Variants in CNTN5 observed in about 807,000 individuals in gnomAD.
CNTN5 encodes the protein contactin-5.
CNTN5 carries 77 observed loss-of-function variants against 129.1 expected under a neutral mutation model. That is an observed-to-expected ratio of 0.60 (90% CI 0.50 to 0.72). The LOEUF (loss-of-function observed/expected upper bound fraction) is 0.72, where lower values mean the gene tolerates loss of function less well. Ranked by LOEUF, CNTN5 falls within the 30% of genes least tolerant of loss-of-function variation. The pLI, the probability that CNTN5 is intolerant of heterozygous loss-of-function variation, is 0.00. For missense variants in CNTN5, 1,478 were observed against 1,328.8 expected (o/e 1.11, Z -1.75); for synonymous variants, 509 against 465.6 (o/e 1.09, Z -1.20).
chr11:100,213,154 T>C (rs1949067016), intron 15 of CNTN5, among the ~76,000 whole-genome samples: 1 of 152,136 alleles, frequency 6.6e-6, no homozygotes, highest in African/African-American at 2.4e-5. Context: ...ATCCTTTATT[T>C]TGTATAACTA....
intron 3 of CNTN5, among the ~76,000 whole-genome samples, chr11:99,801,076 T>C (rs1004048874): frequency 6.6e-6 from 1 of 152,148 alleles, no homozygotes; most frequent in African/African-American, 2.4e-5. Flanking sequence ...GTTTTGTTTT[T>C]CTCATTTCCG....
chr11:100,084,121 C>T (rs907353497), intron 13 of CNTN5, among the ~76,000 whole-genome samples: 5 of 152,118 alleles, frequency 3.3e-5, no homozygotes, highest in African/African-American at 1.2e-4. Context: ...AACCATGGTT[C>T]ATTTACCCCA....
rs566515125 is a variant in CNTN5 at position 99,460,664 on chromosome 11, C to T, written c.-70-95481C>T. Among the ~76,000 whole-genome samples, 7 of 151,922 alleles carry T rather than the reference C, an allele frequency of 4.6e-5. No individual in the cohort carries two copies. The East Asian group carries it at 7.7e-4, about 17-fold the overall frequency. ...ACTGGACTTACCCTCCTGCCTAAAG[C>T]GATTTTTAAAAACTTTACGAATATA... On this transcript the variant is annotated intron_variant, in intron 2 of 24. Coordinates refer to ENST00000524871, the MANE Select transcript of CNTN5 (RefSeq NM_014361.4).
At chr11:99,989,493 A>G (rs12792831) in intron 8 of CNTN5, among the ~76,000 whole-genome samples, 42,262 of 147,918 alleles carry the variant, frequency 0.29, 6,584 homozygotes, top group South Asian at 0.37. Context: ...AAAGGCTCCA[A>G]TTCTTACACA....
intron 1 of CNTN5, among the ~76,000 whole-genome samples, chr11:99,036,304 G>A (rs1351465467): frequency 6.6e-6 from 1 of 151,932 alleles, no homozygotes; most frequent in African/African-American, 2.4e-5. Flanking sequence ...CTACACATCA[G>A]ATTTTTTTTT....
chr11:99,963,215 A>G (rs1016440492), intron 8 of CNTN5, among the ~76,000 whole-genome samples: 2 of 152,120 alleles, frequency 1.3e-5, no homozygotes, highest in African/African-American at 2.4e-5. Context: ...TTGGTGTTTT[A>G]GACATGAAGT....
intron 6 of CNTN5, among the ~76,000 whole-genome samples, chr11:99,905,338 A>G (rs1335277942): frequency 6.6e-6 from 1 of 152,198 alleles, no homozygotes; most frequent in African/African-American, 2.4e-5. Context: ...GAAGGGGTCC[A>G]GTTTCAGTTT....
At chr11:100,157,536 C>T (rs1171481854) in intron 13 of CNTN5, among the ~76,000 whole-genome samples, 3 of 150,674 alleles carry the variant, frequency 2.0e-5, no homozygotes, top group Non-Finnish European at 4.4e-5. Flanking sequence ...CAAGTCTCAA[C>T]AGTGTTTTAG....
intron 1 of CNTN5, among the ~76,000 whole-genome samples, chr11:99,239,936 CAAAAA>C (rs386374626): frequency 9.5e-6 from 1 of 105,206 alleles, no homozygotes; most frequent in African/African-American, 3.6e-5. Context: ...GACTCCGTCT[CAAAAA>C]AAAAAAAAAA....
intron 3 of CNTN5, among the ~76,000 whole-genome samples, chr11:99,734,232 G>T (rs570240379): frequency 6.6e-6 from 1 of 152,218 alleles, no homozygotes; most frequent in African/African-American, 2.4e-5. Flanking sequence ...TCCTTCCATT[G>T]TGTTATAAAC....
intron 1 of CNTN5, among the ~76,000 whole-genome samples, chr11:99,039,473 C>T (rs887977159): frequency 1.6e-4 from 25 of 152,184 alleles, no homozygotes; most frequent in African/African-American, 5.3e-4. Context: ...CCATGCTGCT[C>T]TTCATTGTAT....
intron 2 of CNTN5, among the ~76,000 whole-genome samples, chr11:99,530,260 T>C (rs1478283202): frequency 1.3e-5 from 2 of 152,246 alleles, no homozygotes; most frequent in Non-Finnish European, 2.9e-5. Flanking sequence ...TTAAATGCAT[T>C]CTTAATCATC....
intron 17 of CNTN5, among the ~76,000 whole-genome samples, chr11:100,262,577 T>A (rs942608018): frequency 8.5e-5 from 13 of 152,200 alleles, no homozygotes; most frequent in African/African-American, 2.9e-4. Context: ...GAAGAAAATG[T>A]GGCACATATA....
chr11:100,203,815 C>CACACAT (rs1948844548), intron 15 of CNTN5, among the ~76,000 whole-genome samples: 2 of 151,624 alleles, frequency 1.3e-5, no homozygotes, highest in African/African-American at 4.8e-5. Flanking sequence ...CACACACACA[C>CACACAT]ACACACACAC....
chr11:100,271,121 T>C lies in CNTN5; in HGVS notation c.2194T>C (p.Ser732Pro). The C allele has an allele frequency of 6.2e-7, 1 of 1,611,302 alleles. No homozygotes were observed. Among genetic ancestry groups the C allele is most frequent in the Non-Finnish European group, 8.5e-7 (1 of 1,178,890 alleles). ...AGAAATCATAACAGGGGACATGGAG[T>C]CAGCCATGGCTGTGGACCTAAATCC... Reference protein sequence around the residue: ...VPEIITGDMESAMAVDLNPWV... With the variant: ...VPEIITGDMEPAMAVDLNPWV... The change falls in exon 18 of 25, where the codon TCA becomes CCA. Residue 732 changes from serine (S) to proline (P), a missense_variant. Physicochemically the swap from Ser to Pro is moderately conservative, Grantham distance 74 (BLOSUM62 -1). Transcript: ENST00000524871.
chr11:99,920,837 T>A (rs1949919765), intron 7 of CNTN5, among the ~76,000 whole-genome samples: 1 of 152,132 alleles, frequency 6.6e-6, no homozygotes, highest in African/African-American at 2.4e-5. Flanking sequence ...CATTGGCAGT[T>A]AGGATTTCAA....
intron 13 of CNTN5, among the ~76,000 whole-genome samples, chr11:100,177,890 C>T (rs548367468): frequency 3.3e-5 from 5 of 152,182 alleles, no homozygotes; most frequent in South Asian, 2.1e-4. Context: ...CTGTTTTTCT[C>T]GTCCAAGTTC....
intron 3 of CNTN5, among the ~76,000 whole-genome samples, chr11:99,765,799 A>G (rs1323911377): frequency 1.3e-5 from 2 of 151,910 alleles, no homozygotes; most frequent in Non-Finnish European, 2.9e-5. Flanking sequence ...AAAGGAAGTT[A>G]TGAAAATGAC....
At chr11:99,396,795 G>A (rs920834656) in intron 2 of CNTN5, among the ~76,000 whole-genome samples, 3 of 151,638 alleles carry the variant, frequency 2.0e-5, no homozygotes, top group Non-Finnish European at 4.4e-5. Flanking sequence ...CTAATGATCA[G>A]GAATGTGATG....
Sources: gnomAD v4.1 joint callset for allele counts (sites outside exome capture counted in the v4.1 genomes callset) on GRCh38, gnomAD v4.1.1 for gene constraint, MANE v1.5 for transcripts, NCBI Gene and HGNC (gene_info 2026-07-23, HGNC 2026-07-21) for gene names.